The following NUP160 variants were observed in gnomAD, a reference collection of about 807,000 sequenced individuals.
NUP160 encodes the protein nuclear pore complex protein Nup160.
NUP160 carries 94 observed loss-of-function variants against 196.9 expected under a neutral mutation model. The observed-to-expected ratio is 0.48, with a 90% CI of 0.40 to 0.57. The LOEUF (loss-of-function observed/expected upper bound fraction) is 0.57, where lower values mean the gene tolerates loss of function less well. Among genes scored for constraint, NUP160 ranks in the 20% least tolerant of loss-of-function variants. The pLI is 0.00. For missense variants in NUP160, 1,638 were observed against 1,748.3 expected, an observed-to-expected ratio of 0.94 and a Z score of 1.13; for synonymous variants, 605 against 619.7, an observed-to-expected ratio of 0.98 and a Z score of 0.35.
chr11:47,792,009 C>T lies in NUP160; in HGVS notation c.3451-19G>A, dbSNP rs763169964. The stretch of plus-strand genomic sequence containing the variant: ...GATCATACTGATAAAACAAAACAAG[C>T]AATTTAACTGTGAAAATCAGTATTT... On this transcript the variant is annotated intron_variant, in intron 28 of 35. Transcript: ENST00000378460. 1 of 1,559,074 alleles carries T rather than the reference C, an allele frequency of 6.4e-7. No homozygotes were observed. Among genetic ancestry groups the T allele is most frequent in the Non-Finnish European group, 8.8e-7 (1 of 1,138,804 alleles).
chr11:47,809,909 G>A (rs888740375), intron 17 of NUP160, among the ~76,000 whole-genome samples: 1 of 151,794 alleles, frequency 6.6e-6, no homozygotes, highest in Non-Finnish European at 1.5e-5. Flanking sequence ...GAATGTGCAT[G>A]GAAAAAAACG....
At position 47,823,679 on chromosome 11, in the gene NUP160, C is replaced by T. The variant is rs577077972; in HGVS notation, c.1102-1515G>A. 3.3e-4 allele frequency among the ~76,000 whole-genome samples: 50 copies of T among 152,036 alleles called. 1 individual carries two copies. In the South Asian group the frequency reaches 9.1e-3, roughly 28 times the overall value. ...CCTACTGAGTAGCTGGGACTACAGG[C>T]GCCTGTCACCACGCCTGGCTAATTT... On this transcript the variant is annotated intron_variant, in intron 7 of 35. Coordinates refer to ENST00000378460, the Ensembl canonical transcript of NUP160.
chr11:47,820,156 G>A (rs1851825781), intron 9 of NUP160: 1 of 152,172 alleles, frequency 6.6e-6, no homozygotes, highest in Admixed American at 6.5e-5. Context: ...CTCTACAGAT[G>A]TTTCAGGGGT....
In NUP160 at chr11:47,804,702, T is replaced by C. The variant is rs747727748; in HGVS notation, c.2607-84A>G. 2.9e-4 allele frequency: 244 copies of C among 850,182 alleles called. No individual in the cohort carries two copies. In the Middle Eastern group the frequency reaches 3.1e-3, roughly 11 times the overall value. The allele number at this position is 850,182 out of a possible 1,614,324, so 52.7% of individuals were successfully genotyped here. A position where few individuals can be genotyped will look rare whatever the true frequency, so the allele number is the denominator to read the frequency against. ...TGGGCATCAAATTCAGAAAAGTCCA[T>C]AAAATAGCTTAATTTACATAAACAA... On this transcript the variant is annotated intron_variant, in intron 20 of 35. Transcript: ENST00000378460.
intron 34 of NUP160, among the ~76,000 whole-genome samples, 175 bp from the exon 35 acceptor site, chr11:47,780,622 C>A (rs549104305): frequency 6.6e-6 from 1 of 151,546 alleles, no homozygotes; most frequent in Admixed American, 6.6e-5. Flanking sequence ...CTGCAACCTC[C>A]GCCTCCTGGG....
At chr11:47,796,718 T>C (rs1211436627) in intron 27 of NUP160, among the ~76,000 whole-genome samples, 1 of 152,240 alleles carries the variant, frequency 6.6e-6, no homozygotes. Context: ...TGATAACTTC[T>C]AAATGTAATT....
chr11:47,797,579 G>A (rs2097671580), intron 27 of NUP160, among the ~76,000 whole-genome samples, 200 bp downstream of exon 27: 1 of 152,084 alleles, frequency 6.6e-6, no homozygotes, highest in Admixed American at 6.5e-5. Flanking sequence ...CACACAGAAT[G>A]CCATTTTAGT....
chr11:47,820,366 T>C (rs369006901), intron 9 of NUP160: 2 of 152,124 alleles, frequency 1.3e-5, no homozygotes, highest in East Asian at 1.9e-4. Flanking sequence ...TAAAAAATAT[T>C]AGATACCAAA....
intron 7 of NUP160, among the ~76,000 whole-genome samples, chr11:47,830,248 A>G (rs1237545572): frequency 1.3e-5 from 2 of 152,226 alleles, no homozygotes; most frequent in Non-Finnish European, 2.9e-5. Context: ...GGGAACATTT[A>G]TACAATGTTG....
intron 34 of NUP160, among the ~76,000 whole-genome samples, chr11:47,782,301 AAAATATATATAT>A: frequency 2.2e-5 from 1 of 44,972 alleles, no homozygotes; most frequent in South Asian, 1.0e-3. Flanking sequence ...AAAAAAAAAA[AAAATATATATAT>A]ATATATATAT....
upstream of NUP160, chr11:47,848,520 G>A: frequency 1.1e-6 from 1 of 943,078 alleles, no homozygotes. Flanking sequence ...GGGCAGGGGA[G>A]GCAGACTCTA....
chr11:47,821,133 AT>A (rs1274823346), intron 9 of NUP160, among the ~76,000 whole-genome samples: 1 of 151,990 alleles, frequency 6.6e-6, no homozygotes, highest in East Asian at 1.9e-4. Flanking sequence ...AAACTCCCAG[AT>A]TAGAGGTATT....
chr11:47,843,046 T>A (rs1017958868), intron 2 of NUP160, among the ~76,000 whole-genome samples: 2 of 152,122 alleles, frequency 1.3e-5, no homozygotes, highest in African/African-American at 4.8e-5. Flanking sequence ...CACTCTACCT[T>A]CTCAGTTCCC....
rs752829358 is a variant in NUP160, at chr11:47,848,240, C to T, written c.181G>A (p.Glu61Lys). ...GTACCAATGCTGCAGACTGTGAATT[C>T]CCGAAAGTGCCTCGGCCTTTCGCGC... is the stretch of plus-strand genomic sequence containing the variant. Residue 61 changes from glutamate (E) to lysine (K), a missense_variant, in exon 1 of 36, where the codon GAA becomes AAA. Physicochemically the swap from Glu to Lys is moderately conservative, Grantham distance 56. Transcript: ENST00000378460. The T allele has an allele frequency of 4.3e-6, 7 of 1,614,048 alleles. No homozygotes were observed. In the Admixed American group the frequency reaches 8.3e-5, roughly 19 times the overall value.
chr11:47,804,611 T>C, exon 21 of NUP160: 1 of 1,525,294 alleles, frequency 6.6e-7, no homozygotes, highest in South Asian at 1.3e-5. Context: ...CCAGGATTGC[T>C]AGGCCATCTA....
intron 17 of NUP160, among the ~76,000 whole-genome samples, chr11:47,810,994 A>G (rs2097680790): frequency 6.6e-6 from 1 of 152,222 alleles, no homozygotes; most frequent in Non-Finnish European, 1.5e-5. Context: ...CTCAAATGAG[A>G]TTACTGACTT....
intron 7 of NUP160, among the ~76,000 whole-genome samples, chr11:47,830,984 T>C (rs1366103964): frequency 1.3e-5 from 2 of 151,910 alleles, no homozygotes; most frequent in Non-Finnish European, 2.9e-5. Context: ...GCCAACATGG[T>C]GAAACCCCGT....
intron 15 of NUP160, 87 bp downstream of exon 15, chr11:47,812,794 GC>G: frequency 9.6e-7 from 1 of 1,044,478 alleles, no homozygotes; most frequent in Non-Finnish European, 1.4e-6. Flanking sequence ...TATTCTGTAC[GC>G]TCTGGAACAT....
Position 47,781,022 on chromosome 11 carries a change from C to T in NUP160, c.4117-575G>A, listed in dbSNP as rs889917900. On this transcript the variant is annotated intron_variant, in intron 34 of 35. Transcript: ENST00000378460. ...TGGGCGGATCACAAGGTCAGGAGTT[C>T]GAGACCAGCCTGGCCAATATGGTGA... 5.3e-5 allele frequency among the ~76,000 whole-genome samples: 8 copies of T among 151,536 alleles called. No individual in the cohort carries two copies. The East Asian group carries it at 1.4e-3, about 27-fold the overall frequency.
Sources: gnomAD v4.1 joint callset for allele counts (sites outside exome capture counted in the v4.1 genomes callset) on GRCh38, gnomAD v4.1.1 for gene constraint, MANE v1.5 for transcripts, NCBI Gene and HGNC (gene_info 2026-07-23, HGNC 2026-07-21) for gene names.